Variants in PARP12 observed in about 807,000 individuals in gnomAD.
The protein encoded by PARP12 is poly(ADP-ribose) polymerase family member 12, also known as protein mono-ADP-ribosyltransferase PARP12.
A neutral mutation model predicts 72.4 loss-of-function variants in PARP12; 59 were observed. The observed-to-expected ratio is 0.81, with a 90% CI of 0.66 to 1.01. The LOEUF is 1.01. Ranked by LOEUF, PARP12 falls within the 50% of genes least tolerant of loss-of-function variation. The pLI is 0.00. For synonymous variants in PARP12, 403 were observed against 371.4 expected (o/e 1.09, Z -0.98); for missense variants, 851 against 914.0 (o/e 0.93, Z 0.89).
chr7:140,033,624 G>A, intron 8 of PARP12: 1 of 985,380 alleles, frequency 1.0e-6, no homozygotes. Context: ...AACACCAGAG[G>A]TTGAGATAGG....
In PARP12 at chr7:140,042,369, C is replaced by T. The variant is rs564883284; in HGVS notation, c.987-530G>A. ...CGGGCGAGCTGGGCTTTCAGGTGGG[C>T]AGGTGGGCTGCACAGCCTGCACCTG... On this transcript the variant is annotated intron_variant, in intron 5 of 11. Coordinates refer to ENST00000263549, the MANE Select transcript of PARP12 (RefSeq NM_022750.4). Among the ~76,000 whole-genome samples, 4 of 152,330 alleles carry T rather than the reference C, an allele frequency of 2.6e-5. No homozygotes were observed. In the South Asian group the frequency reaches 6.2e-4, roughly 24 times the overall value.
chr7:140,060,824 C>A (rs539852421), intron 1 of PARP12, among the ~76,000 whole-genome samples: 2 of 152,302 alleles, frequency 1.3e-5, no homozygotes, highest in African/African-American at 4.8e-5. Context: ...GCCTCAGACG[C>A]TACCTCAGAT....
intron 3 of PARP12, 118 bp from the exon 4 acceptor site, chr7:140,054,881 T>C (rs1817118805): frequency 1.2e-6 from 1 of 841,264 alleles, no homozygotes; most frequent in Non-Finnish European, 1.9e-6. Context: ...CAAAGCCCTA[T>C]CGTGTTTGGG....
At chr7:140,029,801 T>C (rs1348889628) in intron 8 of PARP12, among the ~76,000 whole-genome samples, 1 of 152,166 alleles carries the variant, frequency 6.6e-6, no homozygotes, top group African/African-American at 2.4e-5. Context: ...TTAGACCAGC[T>C]GGAGGAAGAA....
rs537968372 is a variant in PARP12, at chr7:140,037,797, G to A, written c.1242C>T (p.Ala414=). 1 of 1,614,002 alleles carries A rather than the reference G, an allele frequency of 6.2e-7. No homozygotes were observed. Among genetic ancestry groups the A allele is most frequent in the African/African-American group, 1.3e-5 (1 of 74,946 alleles). Reference sequence around the variant, plus strand: ...GGCCGTCAGACCCCGGTGTACAGTAGGCCAGGTAGGCCTTCTCCACGTCGC... The same window carrying A: ...GGCCGTCAGACCCCGGTGTACAGTAAGCCAGGTAGGCCTTCTCCACGTCGC... ...SSSDVEKAYL[A]YCTPGSDGQA... The change falls in exon 7 of 12, where the codon GCC becomes GCT. Residue 414 remains alanine (A), a synonymous_variant. Transcript: ENST00000263549.
In PARP12 at chr7:140,046,870, G is replaced by C. The variant is rs1460436504; in HGVS notation, c.986+14C>G. 1.2e-6 allele frequency: 2 copies of C among 1,610,376 alleles called. No homozygotes were observed. The highest frequency in any genetic ancestry group is 2.7e-5 in the African/African-American group (2 of 74,476). On this transcript the variant is annotated intron_variant, in intron 5 of 11. Transcript: ENST00000263549. ...GCCCAGGCACAAAGCAGAGACAAGG[G>C]ACATATTTCCTACCTTTCTATTTTG...
At chr7:140,029,278 G>A (rs1815849390) in intron 8 of PARP12, 1 of 152,204 alleles carries the variant, frequency 6.6e-6, no homozygotes, top group African/African-American at 2.4e-5. Context: ...AATACAGAGT[G>A]TCACGTGATA....
intron 8 of PARP12, chr7:140,033,989 T>G: frequency 9.0e-7 from 1 of 1,109,398 alleles, no homozygotes; most frequent in Non-Finnish European, 1.1e-6. Flanking sequence ...AGAGTCTGTC[T>G]TCTCCAGAGA....
chr7:140,059,724 T>C (rs938765857), intron 1 of PARP12, among the ~76,000 whole-genome samples: 2 of 152,202 alleles, frequency 1.3e-5, no homozygotes, highest in African/African-American at 4.8e-5. Flanking sequence ...CATCCTTGCC[T>C]GCTCTCTTTC....
At chr7:140,046,833 T>TGTGTGTCA (rs1554514730) in intron 5 of PARP12, 51 bp downstream of exon 5, 17,343 of 1,183,620 alleles carry the variant, frequency 0.015, 1,014 homozygotes, top group East Asian at 0.079. Context: ...TGTGTGTGTG[T>TGTGTGTCA]CACACACAGA....
In PARP12 at chr7:140,026,396, C is replaced by G. The variant is rs748160126; in HGVS notation, c.1629-48G>C. ...GCTGGGGGCAGAGTGTGCCGGCCAC[C>G]AAATACAGCCGGCCTGATGCAAAAC... is the stretch of plus-strand genomic sequence containing the variant. On this transcript the variant is annotated intron_variant, in intron 10 of 11. Transcript: ENST00000263549. 57 of 1,575,774 alleles carry G rather than the reference C, an allele frequency of 3.6e-5. No homozygotes were observed. The African/African-American group carries it at 6.8e-4, about 19-fold the overall frequency.
chr7:140,058,165 T>G, intron 1 of PARP12, 131 bp from the exon 2 acceptor site: 1 of 1,040,878 alleles, frequency 9.6e-7, no homozygotes, highest in Non-Finnish European at 1.4e-6. Flanking sequence ...GGTAATTAAG[T>G]TAAAAAGAGG....
chr7:140,049,748 C>T (rs1585106699), intron 4 of PARP12, among the ~76,000 whole-genome samples: 2 of 152,330 alleles, frequency 1.3e-5, no homozygotes, highest in Admixed American at 1.3e-4. Context: ...CTGTTCACAG[C>T]TGGAAGGTGC....
chr7:140,057,460 A>C (rs1205309700), intron 2 of PARP12: 2 of 437,790 alleles, frequency 4.6e-6, no homozygotes. Flanking sequence ...CTACATCCTA[A>C]GGACCTCTAC....
intron 2 of PARP12, 60 bp from the exon 3 acceptor site, chr7:140,057,213 C>G: frequency 2.7e-6 from 4 of 1,492,604 alleles, no homozygotes; most frequent in Non-Finnish European, 3.6e-6. Context: ...CACCACCTCC[C>G]CAGTGGCCAG....
In PARP12 at chr7:140,056,842, C is replaced by A; in HGVS notation, c.760+14G>T. ...GTGCTCCCCACCAGCCTTACCACTC[C>A]CCACCAGCCTTACCAGAAGTCCCCT... is the stretch of plus-strand genomic sequence containing the variant. On this transcript the variant is annotated intron_variant, in intron 3 of 11. Coordinates refer to ENST00000263549, the MANE Select transcript of PARP12 (RefSeq NM_022750.4). 6.3e-7 allele frequency: 1 copy of A among 1,582,328 alleles called. No individual in the cohort carries two copies. The highest frequency in any genetic ancestry group is 8.6e-7 in the Non-Finnish European group (1 of 1,165,182).
chr7:140,041,813 G>A lies in PARP12; in HGVS notation c.1013C>T (p.Thr338Ile), dbSNP rs745596151. 2 of 1,613,968 alleles carry A rather than the reference G, an allele frequency of 1.2e-6. No individual in the cohort carries two copies. Among genetic ancestry groups the A allele is most frequent in the Non-Finnish European group, 1.7e-6 (2 of 1,179,924 alleles). ...AAAGTTCAGACAATGAGAGTGAAAGGTACTGGCTGACTCAGAGCACAGGAT... is the reference window on the plus strand; with the variant it reads ...AAAGTTCAGACAATGAGAGTGAAAGATACTGGCTGACTCAGAGCACAGGAT... ...ERILCSESAS[T>I]FHSHCLNFNA... Residue 338 changes from threonine (T) to isoleucine (I), a missense_variant, in exon 6 of 12, where the codon ACC becomes ATC. Physicochemically the swap from Thr to Ile is moderately conservative, Grantham distance 89. Around this residue, in one of 3 missense-constraint regions of PARP12, gnomAD observed 492 missense variants for 489.3 expected, o/e 1.01. Coordinates refer to ENST00000263549, the MANE Select transcript of PARP12 (RefSeq NM_022750.4).
At chr7:140,047,116 A>C (rs1816763999) in intron 4 of PARP12, 109 bp from the exon 5 acceptor site, 1 of 1,287,348 alleles carries the variant, frequency 7.8e-7, no homozygotes, top group Non-Finnish European at 1.0e-6. Context: ...AACATTCTGA[A>C]ATGTGTGGTG....
At position 140,026,389 on chromosome 7, in the gene PARP12, C is replaced by T. The variant is rs202148922; in HGVS notation, c.1629-41G>A. 128 of 1,583,454 alleles carry T rather than the reference C, an allele frequency of 8.1e-5. 1 individual carries two copies. The highest frequency in any genetic ancestry group is 6.1e-4 in the South Asian group (54 of 88,264). On this transcript the variant is annotated intron_variant, in intron 10 of 11. Coordinates refer to ENST00000263549, the MANE Select transcript of PARP12 (RefSeq NM_022750.4). ...AATGTGTGCTGGGGGCAGAGTGTGC[C>T]GGCCACCAAATACAGCCGGCCTGAT...
Sources: gnomAD v4.1 joint callset for allele counts (sites outside exome capture counted in the v4.1 genomes callset) on GRCh38, gnomAD v4.1.1 for gene constraint, gnomAD v4.1.1 regional missense constraint, MANE v1.5 for transcripts, NCBI Gene and HGNC (gene_info 2026-07-23, HGNC 2026-07-21) for gene names.